Variants in HS3ST5 observed in about 807,000 individuals in gnomAD.
The protein encoded by HS3ST5 is heparan sulfate glucosamine 3-O-sulfotransferase 5.
In HS3ST5, 10 loss-of-function variants were observed where a neutral mutation model predicts 25.4. The ratio of observed to expected loss-of-function variants is 0.39; its 90% CI spans 0.24 to 0.67. The LOEUF (loss-of-function observed/expected upper bound fraction) is 0.67, where lower values mean the gene tolerates loss of function less well. HS3ST5 is among the 30% of genes least tolerant of loss of function. The pLI is 0.44. For synonymous variants in HS3ST5, 170 were observed against 162.4 expected (o/e 1.05, Z -0.36); for missense variants, 324 against 420.7 (o/e 0.77, Z 2.01).
chr6:114,108,269 C>T (rs745501237), intron 3 of HS3ST5, among the ~76,000 whole-genome samples: 4 of 152,118 alleles, frequency 2.6e-5, no homozygotes, highest in Non-Finnish European at 4.4e-5. Flanking sequence ...AGGCAGAGCA[C>T]CCGAGAAAAA....
At chr6:114,240,035 C>CACACACAA (rs57335624) in intron 1 of HS3ST5, among the ~76,000 whole-genome samples, 1 of 151,162 alleles carries the variant, frequency 6.6e-6, no homozygotes, top group African/African-American at 2.4e-5. Context: ...CACACACACA[C>CACACACAA]CGCTTACTCT....
intron 3 of HS3ST5, among the ~76,000 whole-genome samples, chr6:114,085,045 T>C (rs1460638020): frequency 6.6e-6 from 1 of 152,074 alleles, no homozygotes; most frequent in African/African-American, 2.4e-5. Flanking sequence ...TTGGCCAGGA[T>C]GGCCTCAATC....
chr6:114,161,457 T>C (rs1353117611), intron 3 of HS3ST5, among the ~76,000 whole-genome samples: 1 of 139,148 alleles, frequency 7.2e-6, no homozygotes, highest in Admixed American at 7.7e-5. Context: ...CCATGATATG[T>C]TTTACCTGAT....
intron 2 of HS3ST5, among the ~76,000 whole-genome samples, chr6:114,180,554 C>T (rs1256916229): frequency 1.3e-5 from 2 of 152,120 alleles, no homozygotes; most frequent in African/African-American, 4.8e-5. Flanking sequence ...CTGTCAGCTT[C>T]CCTGCTTTTG....
intron 3 of HS3ST5, among the ~76,000 whole-genome samples, chr6:114,074,506 T>C (rs1014618852): frequency 2.6e-5 from 4 of 152,166 alleles, no homozygotes; most frequent in African/African-American, 9.7e-5. Context: ...CCAATAACTC[T>C]TCTAAAAAAG....
At chr6:114,126,533 T>G (rs1397841291) in intron 3 of HS3ST5, among the ~76,000 whole-genome samples, 3 of 152,244 alleles carry the variant, frequency 2.0e-5, no homozygotes, top group Non-Finnish European at 4.4e-5. Flanking sequence ...TGGGACTGTT[T>G]ATTCATTTGT....
intron 1 of HS3ST5, among the ~76,000 whole-genome samples, chr6:114,319,923 T>C (rs190724910): frequency 6.6e-6 from 1 of 152,188 alleles, no homozygotes; most frequent in East Asian, 1.9e-4. Flanking sequence ...ATTGCCTCTC[T>C]CATCCTTTTT....
At chr6:114,265,807 G>A (rs1486136078) in intron 1 of HS3ST5, among the ~76,000 whole-genome samples, 1 of 151,982 alleles carries the variant, frequency 6.6e-6, no homozygotes, top group Non-Finnish European at 1.5e-5. Context: ...CTTTCTGAAT[G>A]CATTTTCTAA....
At chr6:114,299,575 G>A (rs934801228) in intron 1 of HS3ST5, among the ~76,000 whole-genome samples, 4 of 152,006 alleles carry the variant, frequency 2.6e-5, no homozygotes, top group African/African-American at 4.8e-5. Context: ...GCCCAGCTTC[G>A]AAATTTCTCT....
chr6:114,102,187 C>T (rs570276670), intron 3 of HS3ST5, among the ~76,000 whole-genome samples: 20 of 152,168 alleles, frequency 1.3e-4, no homozygotes, highest in Non-Finnish European at 2.5e-4. Flanking sequence ...TACATGTACT[C>T]ATGAACCTAA....
chr6:114,237,329 C>CTTT (rs35288943), intron 1 of HS3ST5, among the ~76,000 whole-genome samples: 28 of 145,266 alleles, frequency 1.9e-4, no homozygotes, highest in Admixed American at 2.8e-4. Flanking sequence ...GATACGAGTA[C>CTTT]TTTTTTTTTT....
chr6:114,329,196 T>C (rs925045597), intron 1 of HS3ST5, among the ~76,000 whole-genome samples: 1 of 152,200 alleles, frequency 6.6e-6, no homozygotes, highest in Non-Finnish European at 1.5e-5. Context: ...AGCATCACTT[T>C]GAAGTGGGGA....
At chr6:114,173,577 G>C (rs1277495036) in intron 2 of HS3ST5, among the ~76,000 whole-genome samples, 2 of 152,152 alleles carry the variant, frequency 1.3e-5, no homozygotes, top group African/African-American at 4.8e-5. Flanking sequence ...ATCAAGTGCT[G>C]GCTGGGCACG....
At chr6:114,169,524 A>C (rs1444321159) in intron 2 of HS3ST5, among the ~76,000 whole-genome samples, 1 of 152,152 alleles carries the variant, frequency 6.6e-6, no homozygotes, top group Admixed American at 6.6e-5. Context: ...AAAAAAACAC[A>C]TCCAGCTATT....
At chr6:114,160,135 C>T (rs1391042213) in intron 3 of HS3ST5, among the ~76,000 whole-genome samples, 1 of 152,130 alleles carries the variant, frequency 6.6e-6, no homozygotes, top group Non-Finnish European at 1.5e-5. Flanking sequence ...TGTCTCAACT[C>T]CACATAGTTG....
intron 3 of HS3ST5, among the ~76,000 whole-genome samples, chr6:114,130,393 T>C (rs1777266498): frequency 6.6e-6 from 1 of 152,180 alleles, no homozygotes; most frequent in Non-Finnish European, 1.5e-5. Context: ...AATGTTGTTA[T>C]CGAATTTTTC....
chr6:114,299,764 T>C lies in HS3ST5; in HGVS notation c.-339+42431A>G, dbSNP rs562993414. ...CTAGTGATGATATTCTTTGTGAGCA[T>C]TCAAAGTGTTGGGCATTAATTAAAA... On this transcript the variant is annotated intron_variant, in intron 1 of 4. Transcript: ENST00000312719. Among the ~76,000 whole-genome samples the C allele has an allele frequency of 3.9e-5, 6 of 152,298 alleles. No individual in the cohort carries two copies. In the East Asian group the frequency reaches 1.2e-3, roughly 29 times the overall value.
At chr6:114,321,587 T>C (rs1264571284) in intron 1 of HS3ST5, among the ~76,000 whole-genome samples, 1 of 152,154 alleles carries the variant, frequency 6.6e-6, no homozygotes, top group African/African-American at 2.4e-5. Context: ...TCGATAATGA[T>C]AAAGATCTTT....
At chr6:114,129,556 A>G (rs557260451) in intron 3 of HS3ST5, among the ~76,000 whole-genome samples, 20 of 152,304 alleles carry the variant, frequency 1.3e-4, no homozygotes, top group African/African-American at 4.3e-4. Context: ...CGCCCAGCCA[A>G]GAATCTTAAT....
Sources: gnomAD v4.1 joint callset for allele counts (sites outside exome capture counted in the v4.1 genomes callset) on GRCh38, gnomAD v4.1.1 for gene constraint, MANE v1.5 for transcripts, NCBI Gene and HGNC (gene_info 2026-07-23, HGNC 2026-07-21) for gene names.